Variants in CNTN5 observed in about 807,000 individuals in gnomAD.
CNTN5 encodes the protein contactin-5.
Under a neutral mutation model 129.1 loss-of-function variants are expected in CNTN5, and 77 were observed. The ratio of observed to expected loss-of-function variants is 0.60; its 90% CI spans 0.50 to 0.72. The LOEUF is 0.72. CNTN5 is among the 30% of genes least tolerant of loss of function. The pLI, the probability that CNTN5 is intolerant of heterozygous loss-of-function variation, is 0.00. For missense variants in CNTN5, 1,478 were observed against 1,328.8 expected (o/e 1.11, Z -1.75); for synonymous variants, 509 against 465.6 (o/e 1.09, Z -1.20).
intron 2 of CNTN5, among the ~76,000 whole-genome samples, chr11:99,438,009 C>T (rs1458987646): frequency 6.6e-6 from 1 of 151,762 alleles, no homozygotes; most frequent in African/African-American, 2.4e-5. Context: ...CTGTTTCTGT[C>T]AGTTAGTTAG....
chr11:100,032,760 T>G (rs549866934), intron 9 of CNTN5, among the ~76,000 whole-genome samples: 1 of 151,846 alleles, frequency 6.6e-6, no homozygotes, highest in Admixed American at 6.6e-5. Flanking sequence ...AAAGGAATTT[T>G]GTAATGTTAT....
At chr11:99,339,605 C>T (rs1383927709) in intron 2 of CNTN5, among the ~76,000 whole-genome samples, 1 of 151,872 alleles carries the variant, frequency 6.6e-6, no homozygotes, top group Admixed American at 6.6e-5. Context: ...CAGTGAAACC[C>T]CGTCTCTACT....
Position 99,397,746 on chromosome 11 carries a change from C to T in CNTN5, c.-71+72262C>T, listed in dbSNP as rs540993285. ...TTCTGGTATTACAAGATGTTTCAGG[C>T]TCATTTTACATATTTCCTTCCTCAG... On this transcript the variant is annotated intron_variant, in intron 2 of 24. Coordinates refer to ENST00000524871, the MANE Select transcript of CNTN5 (RefSeq NM_014361.4). Among the ~76,000 whole-genome samples, 7 of 151,748 alleles carry T rather than the reference C, an allele frequency of 4.6e-5. No homozygotes were observed. In the South Asian group the frequency reaches 1.5e-3, roughly 31 times the overall value.
At chr11:100,155,559 A>C (rs1298240559) in intron 13 of CNTN5, among the ~76,000 whole-genome samples, 1 of 152,102 alleles carries the variant, frequency 6.6e-6, no homozygotes, top group African/African-American at 2.4e-5. Flanking sequence ...CTGGGAAGAA[A>C]GTCAGTGGTA....
chr11:99,392,530 A>G (rs537242145), intron 2 of CNTN5, among the ~76,000 whole-genome samples: 1 of 152,006 alleles, frequency 6.6e-6, no homozygotes, highest in East Asian at 1.9e-4. Flanking sequence ...GACTTTCACT[A>G]CCATCTGCAT....
intron 3 of CNTN5, among the ~76,000 whole-genome samples, chr11:99,702,588 C>T (rs566969435): frequency 1.3e-4 from 20 of 150,866 alleles, no homozygotes; most frequent in Non-Finnish European, 2.5e-4. Context: ...CTAACTCATT[C>T]TCCTGACATT....
chr11:99,270,086 G>A (rs1863103868), intron 1 of CNTN5, among the ~76,000 whole-genome samples: 1 of 151,588 alleles, frequency 6.6e-6, no homozygotes, highest in Admixed American at 6.6e-5. Flanking sequence ...TGTATCCTGT[G>A]CTCATTTTAA....
chr11:99,425,047 T>A (rs1460924534), intron 2 of CNTN5, among the ~76,000 whole-genome samples: 1 of 152,172 alleles, frequency 6.6e-6, no homozygotes, highest in African/African-American at 2.4e-5. Context: ...TCCTGATGAA[T>A]GTCCAGCTGT....
At chr11:99,934,983 A>G (rs1194544847) in intron 7 of CNTN5, among the ~76,000 whole-genome samples, 1 of 146,430 alleles carries the variant, frequency 6.8e-6, no homozygotes, top group African/African-American at 2.5e-5. Flanking sequence ...TCCTAAAACA[A>G]TACAAATTAC....
intron 2 of CNTN5, among the ~76,000 whole-genome samples, chr11:99,499,913 G>A (rs10893420): frequency 7.9e-5 from 12 of 151,872 alleles, no homozygotes; most frequent in Middle Eastern, 3.4e-3. Flanking sequence ...TTAGACTTAC[G>A]TAAAAAATAT....
At chr11:99,149,717 T>A (rs1859955088) in intron 1 of CNTN5, among the ~76,000 whole-genome samples, 1 of 152,210 alleles carries the variant, frequency 6.6e-6, no homozygotes, top group African/African-American at 2.4e-5. Flanking sequence ...TATCTATGGA[T>A]GTCCCTCCTA....
intron 17 of CNTN5, among the ~76,000 whole-genome samples, 192 bp downstream of exon 17, chr11:100,256,110 T>C (rs1950064568): frequency 6.6e-6 from 1 of 152,192 alleles, no homozygotes; most frequent in Non-Finnish European, 1.5e-5. Context: ...TCTTTTCAGT[T>C]CCCAAAGAGG....
intron 16 of CNTN5, among the ~76,000 whole-genome samples, chr11:100,235,848 C>T (rs1490402565): frequency 6.6e-6 from 1 of 152,166 alleles, no homozygotes. Flanking sequence ...ACTCACTTCA[C>T]TTTCGTTTTT....
intron 3 of CNTN5, among the ~76,000 whole-genome samples, chr11:99,621,811 T>C (rs1399271941): frequency 1.3e-5 from 2 of 152,168 alleles, no homozygotes; most frequent in African/African-American, 4.8e-5. Context: ...ACTCTTATAT[T>C]TGCCCACATA....
rs139490229 is a variant in CNTN5, at chr11:99,457,670, T to C, written c.-70-98475T>C. On this transcript the variant is annotated intron_variant, in intron 2 of 24. Transcript: ENST00000524871. ...ATTGAAATATGTTTTTAATTATCAG[T>C]TTAAATAGCGTTAAGATGTATAATT... 4.7e-4 allele frequency among the ~76,000 whole-genome samples: 71 copies of C among 151,926 alleles called. 1 individual carries two copies. The East Asian group carries it at 0.013, about 27-fold the overall frequency.
intron 9 of CNTN5, among the ~76,000 whole-genome samples, chr11:100,060,548 C>G (rs543546789): frequency 1.3e-5 from 2 of 151,918 alleles, no homozygotes; most frequent in Non-Finnish European, 2.9e-5. Context: ...TAATTCCTAA[C>G]CCTTTGGTTT....
chr11:99,888,055 G>A (rs1237935880), intron 6 of CNTN5, among the ~76,000 whole-genome samples: 1 of 152,128 alleles, frequency 6.6e-6, no homozygotes, highest in Admixed American at 6.6e-5. Context: ...GTTATCTCCT[G>A]TTCACAATAG....
intron 1 of CNTN5, among the ~76,000 whole-genome samples, chr11:99,195,909 C>T (rs1279528407): frequency 6.6e-6 from 1 of 151,912 alleles, no homozygotes; most frequent in Non-Finnish European, 1.5e-5. Flanking sequence ...TTTATTCTGT[C>T]TACAGAATTC....
In CNTN5 at chr11:99,876,244, C is replaced by T. The variant is rs549993885; in HGVS notation, c.577+30982C>T. Among the ~76,000 whole-genome samples, 12 of 152,226 alleles carry T rather than the reference C, an allele frequency of 7.9e-5. No individual in the cohort carries two copies. In the South Asian group the frequency reaches 2.1e-3, roughly 26 times the overall value. On this transcript the variant is annotated intron_variant, in intron 6 of 24. Coordinates refer to ENST00000524871, the MANE Select transcript of CNTN5 (RefSeq NM_014361.4). ...GTTGTTCAGGACCTGCATCTGGAAC[C>T]CCATGGCTTCAAATGTTAGGCCCTT...
Sources: allele counts gnomAD v4.1 joint callset (sites outside exome capture counted in the v4.1 genomes callset), GRCh38; gene constraint gnomAD v4.1.1; transcripts MANE v1.5; gene names NCBI Gene and HGNC (gene_info 2026-07-23, HGNC 2026-07-21).